R3HDM2: variants seen among roughly 807,000 people sequenced by gnomAD.
R3HDM2 encodes the protein R3H domain-containing protein 2.
Under a neutral mutation model 124.5 loss-of-function variants are expected in R3HDM2, and 38 were observed. The ratio of observed to expected loss-of-function variants is 0.31; its 90% CI spans 0.24 to 0.40. R3HDM2 has a LOEUF of 0.40. Among genes scored for constraint, R3HDM2 ranks in the 10% least tolerant of loss-of-function variants. The probability of loss-of-function intolerance (pLI) is 1.00; values close to 1 mark genes in which losing one functional copy is unlikely to be tolerated. For synonymous variants in R3HDM2, 391 were observed against 448.0 expected (o/e 0.87, Z 1.61); for missense variants, 869 against 1,236.9 (o/e 0.70, Z 4.46).
Position 57,254,182 on chromosome 12 carries a change from G to C in R3HDM2, c.*591C>G, listed in dbSNP as rs778426031. 2.2e-6 allele frequency: 1 copy of C among 456,146 alleles called. No individual in the cohort carries two copies. The highest frequency in any genetic ancestry group is 1.6e-5 in the South Asian group (1 of 64,468). The allele number at this position is 456,146 out of a possible 1,614,324, so 28.3% of individuals were successfully genotyped here. A position where few individuals can be genotyped will look rare whatever the true frequency, so the allele number is the denominator to read the frequency against. On this transcript the variant is annotated 3_prime_UTR_variant, in exon 24 of 24. Coordinates refer to ENST00000402412, the MANE Select transcript of R3HDM2 (RefSeq NM_001394031.1). ...AAAATGAGAAATTAATTTTATGATAGGAGAAGAGATTTAAAAAAATGATAG... is the reference window on the plus strand; with the variant it reads ...AAAATGAGAAATTAATTTTATGATACGAGAAGAGATTTAAAAAAATGATAG...
At chr12:57,430,654 G>C in intron 1 of R3HDM2, 66 bp downstream of exon 1, 1 of 925,490 alleles carries the variant, frequency 1.1e-6, no homozygotes, top group Non-Finnish European at 1.3e-6. Context: ...CGCCCGTGCG[G>C]CCGCCACGCC....
chr12:57,349,393 A>AG (rs1459570643), intron 2 of R3HDM2, among the ~76,000 whole-genome samples: 6 of 149,604 alleles, frequency 4.0e-5, no homozygotes, highest in African/African-American at 1.5e-4. Flanking sequence ...AAAAAAAAAA[A>AG]AAAAAAAAAA....
intron 1 of R3HDM2, among the ~76,000 whole-genome samples, chr12:57,399,820 T>C (rs1419836399): frequency 6.6e-6 from 1 of 152,164 alleles, no homozygotes; most frequent in African/African-American, 2.4e-5. Flanking sequence ...TCTTGAACAA[T>C]GACTCCTACT....
At chr12:57,306,732 T>C (rs2052665253) in intron 3 of R3HDM2, among the ~76,000 whole-genome samples, 1 of 151,836 alleles carries the variant, frequency 6.6e-6, no homozygotes, top group Non-Finnish European at 1.5e-5. Flanking sequence ...AGGACATTCT[T>C]GGCTGGGCGG....
intron 2 of R3HDM2, among the ~76,000 whole-genome samples, chr12:57,341,795 A>G (rs961723359): frequency 3.3e-5 from 5 of 152,170 alleles, no homozygotes; most frequent in Non-Finnish European, 7.3e-5. Context: ...ACAGTGAAGG[A>G]TATTTATAGG....
intron 2 of R3HDM2, among the ~76,000 whole-genome samples, chr12:57,361,249 C>G (rs1379537501): frequency 1.3e-5 from 2 of 151,312 alleles, no homozygotes; most frequent in Admixed American, 6.6e-5. Context: ...GTGGCACATG[C>G]CTGTAATCCC....
intron 2 of R3HDM2, among the ~76,000 whole-genome samples, chr12:57,320,657 T>A (rs1040055485): frequency 1.3e-5 from 2 of 152,054 alleles, no homozygotes; most frequent in Non-Finnish European, 2.9e-5. Context: ...AGGGGAAGAT[T>A]ATTGGAAGCC....
chr12:57,268,430 C>T lies in R3HDM2; in HGVS notation c.1903G>A (p.Val635Met), dbSNP rs769130638. 51 of 1,614,010 alleles carry T rather than the reference C, an allele frequency of 3.2e-5. No individual in the cohort carries two copies. The highest frequency in any genetic ancestry group is 3.0e-4 in the Admixed American group (18 of 59,994). The part of the protein sequence containing the change: ...QVPVGSDSQN[V>M]VQPPFQQPML... Reference sequence around the variant, plus strand: ...GGTTGCTGGAAAGGCGGCTGGACCACATTTTGCGAGTCACTACCCACTGGA... The same window carrying T: ...GGTTGCTGGAAAGGCGGCTGGACCATATTTTGCGAGTCACTACCCACTGGA... The change falls in exon 18 of 24, where the codon GTG (valine) becomes ATG (methionine). Residue 635 changes from valine (V) to methionine (M), a missense_variant. Coordinates refer to ENST00000402412, the MANE Select transcript of R3HDM2 (RefSeq NM_001394031.1).
rs539755307 is a variant in R3HDM2, at chr12:57,331,274, C to T, written c.-35-20811G>A. Among the ~76,000 whole-genome samples, 5 of 152,204 alleles carry T rather than the reference C, an allele frequency of 3.3e-5. No individual in the cohort carries two copies. In the South Asian group the frequency reaches 1.0e-3, roughly 32 times the overall value. On this transcript the variant is annotated intron_variant, in intron 2 of 23. Coordinates refer to ENST00000402412, the MANE Select transcript of R3HDM2 (RefSeq NM_001394031.1). ...TGCTCAAAATCCCCCAATGGGTCTC[C>T]ATCTCACTCAGAGCAGATGTCCCTA...
At chr12:57,347,770 T>C (rs1203424543) in intron 2 of R3HDM2, among the ~76,000 whole-genome samples, 1 of 152,176 alleles carries the variant, frequency 6.6e-6, no homozygotes, top group East Asian at 1.9e-4. Flanking sequence ...ATAATCTAAC[T>C]TTCCATCTTA....
rs1370738406 is a variant in R3HDM2 at position 57,310,411 on chromosome 12, A to G, written c.18T>C (p.Thr6=). MSNSN[T]TQETLEIMKE... ...TCATTATTTCCAGGGTCTCTTGAGT[A>G]GTGTTACTGTTAGACATGTTCTTCA... Residue 6 remains threonine (T), a synonymous_variant, in exon 3 of 24, where the codon ACT becomes ACC. Coordinates refer to ENST00000402412, the MANE Select transcript of R3HDM2 (RefSeq NM_001394031.1). The G allele has an allele frequency of 6.5e-7, 1 of 1,542,778 alleles. No individual in the cohort carries two copies. The highest frequency in any genetic ancestry group is 2.5e-5 in the East Asian group (1 of 40,782).
Position 57,300,213 on chromosome 12 carries a change from T to C in R3HDM2, c.208-32A>G, listed in dbSNP as rs1250157943. On this transcript the variant is annotated intron_variant, in intron 4 of 23. Coordinates refer to ENST00000402412, the MANE Select transcript of R3HDM2 (RefSeq NM_001394031.1). ...AAAACAAAAAACAATTTTCAATTTT[T>C]TTAATGTATCTTATATATTTCTTCC... 4 of 1,507,018 alleles carry C rather than the reference T, an allele frequency of 2.7e-6. No individual in the cohort carries two copies. In the South Asian group the frequency reaches 4.8e-5, roughly 18 times the overall value. 93.4% of individuals were successfully genotyped at this position (1,507,018 alleles called of 1,614,324 possible).
Position 57,430,976 on chromosome 12 carries a change from G to C in R3HDM2, c.-362C>G, listed in dbSNP as rs1012675028. 6.8e-6 allele frequency: 1 copy of C among 147,454 alleles called. No individual in the cohort carries two copies. Among genetic ancestry groups the C allele is most frequent in the African/African-American group, 2.5e-5 (1 of 40,220 alleles). The allele number at this position is 147,454 out of a possible 1,614,324, so 9.1% of individuals were successfully genotyped here. A position where few individuals can be genotyped will look rare whatever the true frequency, so the allele number is the denominator to read the frequency against. The stretch of plus-strand genomic sequence containing the variant: ...AAACCCGGAAAGGGAGAAAAGGGGG[G>C]AGGGGAAAATCAGAAGGGGAAGAAA... On this transcript the variant is annotated 5_prime_UTR_variant, in exon 1 of 24. Coordinates refer to ENST00000402412, the MANE Select transcript of R3HDM2 (RefSeq NM_001394031.1).
chr12:57,298,385 T>G (rs2050352286), intron 6 of R3HDM2, among the ~76,000 whole-genome samples: 1 of 152,150 alleles, frequency 6.6e-6, no homozygotes, highest in South Asian at 2.1e-4. Flanking sequence ...GCCATAGTAT[T>G]ACATCAATAT....
intron 2 of R3HDM2, among the ~76,000 whole-genome samples, chr12:57,350,796 A>T (rs2060600547): frequency 6.6e-6 from 1 of 152,058 alleles, no homozygotes; most frequent in Non-Finnish European, 1.5e-5. Flanking sequence ...CTCTACATAA[A>T]ATTTAAAAAT....
intron 8 of R3HDM2, 137 bp downstream of exon 8, chr12:57,297,191 A>G (rs573694873): frequency 1.8e-4 from 100 of 564,432 alleles, no homozygotes; most frequent in Non-Finnish European, 1.6e-5. Flanking sequence ...TTCAACTCAA[A>G]TCTACATAAT....
intron 19 of R3HDM2, among the ~76,000 whole-genome samples, chr12:57,261,862 G>C (rs115837352): frequency 3.9e-5 from 6 of 151,980 alleles, no homozygotes; most frequent in African/African-American, 7.3e-5. Flanking sequence ...TGGGAGGGGG[G>C]GTTGAATAAG....
intron 1 of R3HDM2, among the ~76,000 whole-genome samples, chr12:57,427,287 T>C (rs1210452628): frequency 7.1e-6 from 1 of 141,130 alleles, no homozygotes; most frequent in Non-Finnish European, 1.5e-5. Flanking sequence ...AGAGGTTCTG[T>C]CTCAAAAAAA....
At chr12:57,294,631 G>A (rs755601686) in intron 10 of R3HDM2, among the ~76,000 whole-genome samples, 1 of 152,062 alleles carries the variant, frequency 6.6e-6, no homozygotes, top group Non-Finnish European at 1.5e-5. Flanking sequence ...ACTCAACCAC[G>A]CTCTTCAAAT....
Sources: gnomAD v4.1 joint callset for allele counts (sites outside exome capture counted in the v4.1 genomes callset) on GRCh38, gnomAD v4.1.1 for gene constraint, MANE v1.5 for transcripts, NCBI Gene and HGNC (gene_info 2026-07-23, HGNC 2026-07-21) for gene names.